The following STAG2 variants were observed in gnomAD, a reference collection of about 807,000 sequenced individuals.
STAG2 encodes cohesin subunit SA-2.
STAG2 carries 14 observed loss-of-function variants against 108.1 expected under a neutral mutation model. The observed-to-expected ratio is 0.13, with a 90% CI of 0.09 to 0.20. The LOEUF is 0.20. STAG2 is among the 10% of genes least tolerant of loss of function. The pLI, the probability that STAG2 is intolerant of heterozygous loss-of-function variation, is 1.00. For synonymous variants in STAG2, 307 were observed against 302.7 expected, an observed-to-expected ratio of 1.01 and a Z score of -0.15; for missense variants, 440 against 940.9, an observed-to-expected ratio of 0.47 and a Z score of 6.96.
chrX:124,008,215 C>CT lies in STAG2; in HGVS notation c.-162-13137dup, dbSNP rs1198252142. On this transcript the variant is annotated intron_variant, in intron 1 of 34. Coordinates refer to ENST00000371145, the MANE Select transcript of STAG2 (RefSeq NM_001042750.2). ...TTTATTATTATTATTAATTTTCTTT[C>CT]TTTTTTTTTTTTTTTGAGATGGAGT... 3.1e-3 allele frequency among the ~76,000 whole-genome samples: 302 copies of CT among 97,387 alleles called. 1 individual carries two copies. The highest frequency in any genetic ancestry group is 0.011 in the South Asian group (23 of 2,169). The allele number at this position is 97,387 out of a possible 115,157, so 84.6% of individuals were successfully genotyped here. A position where few individuals can be genotyped will look rare whatever the true frequency, so the allele number is the denominator to read the frequency against.
At chrX:124,058,154 CTTTT>C (rs999044036) in intron 15 of STAG2, among the ~76,000 whole-genome samples, 177 bp downstream of exon 15, 2 of 72,965 alleles carry the variant, frequency 2.7e-5, no homozygotes, top group Non-Finnish European at 5.2e-5. Context: ...TACTTTTCTT[CTTTT>C]TTTTTTTTTT....
At chrX:123,986,178 TATATG>T (rs955895147) in intron 1 of STAG2, among the ~76,000 whole-genome samples, 19 of 107,270 alleles carry the variant, frequency 1.8e-4, no homozygotes, top group Non-Finnish European at 3.2e-4. Flanking sequence ...ATGTGATACA[TATATG>T]ATATATAATA....
intron 30 of STAG2, 131 bp downstream of exon 30, chrX:124,086,901 A>G: frequency 1.7e-6 from 1 of 573,871 alleles, no homozygotes; most frequent in Non-Finnish European, 2.6e-6. Flanking sequence ...TTATGTGTAA[A>G]CATGCTGTTG....
intron 30 of STAG2, among the ~76,000 whole-genome samples, chrX:124,089,944 T>G (rs991257314): frequency 2.7e-5 from 3 of 109,732 alleles, no homozygotes; most frequent in African/African-American, 1.0e-4. Flanking sequence ...GCAGATCATT[T>G]GAGGCCAGGA....
At chrX:124,010,735 A>G (rs1183128771) in intron 1 of STAG2, among the ~76,000 whole-genome samples, 1 of 111,604 alleles carries the variant, frequency 9.0e-6, no homozygotes, top group Non-Finnish European at 1.9e-5. Context: ...GGTTTCATTC[A>G]TTATACGTCA....
At chrX:123,976,209 G>A (rs2054606474) in intron 1 of STAG2, among the ~76,000 whole-genome samples, 1 of 111,810 alleles carries the variant, frequency 8.9e-6, no homozygotes, top group Admixed American at 9.5e-5. Flanking sequence ...AGGAGGTTGA[G>A]GCTGCAGTGA....
intron 1 of STAG2, 68 bp downstream of exon 1, chrX:123,961,924 G>C (rs1049609782): frequency 1.8e-5 from 2 of 112,799 alleles, no homozygotes; most frequent in African/African-American, 6.5e-5. Context: ...CCCGCGCGCA[G>C]ACCTTGCCCC....
rs745698653 is a variant in STAG2 at position 123,973,253 on chromosome X, T to C, written c.-163+11397T>C. Among the ~76,000 whole-genome samples the C allele has an allele frequency of 4.5e-5, 5 of 110,117 alleles. No homozygotes were observed. The South Asian group carries it at 1.2e-3, about 26-fold the overall frequency. On this transcript the variant is annotated intron_variant, in intron 1 of 34. Coordinates refer to ENST00000371145, the MANE Select transcript of STAG2 (RefSeq NM_001042750.2). Reference sequence around the variant, plus strand: ...AATCAGCTGGTATTTAAAGTACTTATGGGGGACCGGGTGCGGTAGCTCATC... The same window carrying C: ...AATCAGCTGGTATTTAAAGTACTTACGGGGGACCGGGTGCGGTAGCTCATC...
At chrX:124,055,052 T>C (rs775364683) in intron 13 of STAG2, among the ~76,000 whole-genome samples, 1 of 111,916 alleles carries the variant, frequency 8.9e-6, no homozygotes, top group South Asian at 3.7e-4. Context: ...CAGGTGTGAG[T>C]GACCACACCC....
intron 6 of STAG2, 111 bp downstream of exon 6, chrX:124,037,734 G>A (rs2057562615): frequency 6.7e-6 from 2 of 298,230 alleles, no homozygotes; most frequent in African/African-American, 2.8e-5. Flanking sequence ...GGCATTATTT[G>A]CATCATATCC....
chrX:124,022,325 C>T (rs1018556614), intron 2 of STAG2, among the ~76,000 whole-genome samples: 1 of 106,383 alleles, frequency 9.4e-6, no homozygotes, highest in African/African-American at 3.5e-5. Flanking sequence ...GAGCCGAGAT[C>T]GTGCCACTGC....
intron 1 of STAG2, among the ~76,000 whole-genome samples, chrX:124,018,367 A>T (rs2056801713): frequency 8.9e-6 from 1 of 112,048 alleles, no homozygotes; most frequent in Non-Finnish European, 1.9e-5. Context: ...GTTTTGGGTT[A>T]CCCAGCTGAA....
intron 1 of STAG2, among the ~76,000 whole-genome samples, chrX:124,009,081 ATATT>A (rs913227929): frequency 1.5e-4 from 17 of 111,674 alleles, no homozygotes; most frequent in Middle Eastern, 4.7e-3. Context: ...GCTCTAATAT[ATATT>A]TGTTTTTAAT....
chrX:123,994,427 A>C (rs1348186173), intron 1 of STAG2, among the ~76,000 whole-genome samples: 1 of 111,845 alleles, frequency 8.9e-6, no homozygotes, highest in East Asian at 2.8e-4. Flanking sequence ...GGGGACAAAC[A>C]AACCATATCT....
At chrX:124,002,053 GTC>G (rs761234888) in intron 1 of STAG2, among the ~76,000 whole-genome samples, 9 of 111,498 alleles carry the variant, frequency 8.1e-5, no homozygotes, top group Non-Finnish European at 1.7e-4. Flanking sequence ...GCAAGACCCT[GTC>G]TCTACAAAAT....
intron 1 of STAG2, chrX:124,003,716 G>A (rs1294535567): frequency 8.9e-6 from 1 of 111,853 alleles, no homozygotes; most frequent in South Asian, 3.7e-4. Flanking sequence ...GAGCCACCGT[G>A]CCCAGCCTGA....
chrX:124,071,983 GGTTT>G (rs1000102037), intron 25 of STAG2, among the ~76,000 whole-genome samples: 2 of 110,683 alleles, frequency 1.8e-5, no homozygotes, highest in African/African-American at 6.6e-5. Context: ...CATCTTTCTG[GGTTT>G]GTTTTTAGTT....
chrX:124,099,300 C>T (rs2059455081), intron 34 of STAG2, among the ~76,000 whole-genome samples: 1 of 111,921 alleles, frequency 8.9e-6, no homozygotes, highest in African/African-American at 3.2e-5. Context: ...AGATTTTGTA[C>T]TTTCATTCAT....
At position 124,047,654 on chromosome X, in the gene STAG2, A is replaced by G. The variant is rs924352329; in HGVS notation, c.819+149A>G. 4.3e-5 allele frequency: 22 copies of G among 511,910 alleles called. No homozygotes were observed. The African/African-American group carries it at 5.3e-4, about 12-fold the overall frequency. 42.2% of individuals were successfully genotyped at this position (511,910 alleles called of 1,213,427 possible). A position where few individuals can be genotyped will look rare whatever the true frequency, so the allele number is the denominator to read the frequency against. On this transcript the variant is annotated intron_variant, in intron 9 of 34. Coordinates refer to ENST00000371145, the MANE Select transcript of STAG2 (RefSeq NM_001042750.2). Reference sequence around the variant, plus strand: ...AAACTATTTGCCCAACAAAATTCTGATGAATATCCGTGCCAACAATACTGT... The same window carrying G: ...AAACTATTTGCCCAACAAAATTCTGGTGAATATCCGTGCCAACAATACTGT...
Sources: gnomAD v4.1 joint callset for allele counts (sites outside exome capture counted in the v4.1 genomes callset) on GRCh38, gnomAD v4.1.1 for gene constraint, MANE v1.5 for transcripts, NCBI Gene and HGNC (gene_info 2026-07-23, HGNC 2026-07-21) for gene names.